KCNAB2: variants seen among roughly 807,000 people sequenced by gnomAD.
KCNAB2 encodes potassium voltage-gated channel subfamily A regulatory beta subunit 2.
Under a neutral mutation model 63.6 loss-of-function variants are expected in KCNAB2, and 29 were observed. The observed-to-expected ratio is 0.46, with a 90% CI of 0.34 to 0.62. The LOEUF (loss-of-function observed/expected upper bound fraction) is 0.62. Among genes scored for constraint, KCNAB2 ranks in the 20% least tolerant of loss-of-function variants. The pLI is 0.01. For synonymous variants in KCNAB2, 222 were observed against 224.2 expected, an observed-to-expected ratio of 0.99 and a Z score of 0.09; for missense variants, 359 against 563.9, an observed-to-expected ratio of 0.64 and a Z score of 3.68.
At chr1:6,082,059 G>A (rs1571060179) in intron 4 of KCNAB2, 136 bp from the exon 5 acceptor site, 1 of 688,900 alleles carries the variant, frequency 1.5e-6, no homozygotes, top group Non-Finnish European at 2.6e-6. Flanking sequence ...CAAGGAGACA[G>A]CCCACAGGGG....
intron 6 of KCNAB2, chr1:6,085,843 A>G: frequency 3.0e-6 from 3 of 987,694 alleles, no homozygotes; most frequent in Non-Finnish European, 3.6e-6. Context: ...CAGTGGCCCC[A>G]AGTCTGTAAA....
At chr1:6,033,065 A>G (rs1247356381), upstream of KCNAB2, among the ~76,000 whole-genome samples, 1 of 152,246 alleles carries the variant, frequency 6.6e-6, no homozygotes, top group Non-Finnish European at 1.5e-5. Flanking sequence ...ATATTGAACT[A>G]AGTATCTTAG....
At chr1:6,058,903 G>A (rs1662073698) in intron 2 of KCNAB2, among the ~76,000 whole-genome samples, 1 of 152,132 alleles carries the variant, frequency 6.6e-6, no homozygotes, top group South Asian at 2.1e-4. Flanking sequence ...GGCTGGGAGG[G>A]CTTCTGCTGG....
chr1:6,082,380 C>T (rs764841996), intron 5 of KCNAB2, 106 bp downstream of exon 5: 3 of 829,206 alleles, frequency 3.6e-6, no homozygotes, highest in Admixed American at 3.8e-5. Flanking sequence ...ACAAATGCAC[C>T]TTGCACCCTG....
At chr1:6,017,733 G>C (rs2100311561) in intron 1 of KCNAB2, among the ~76,000 whole-genome samples, 1 of 152,036 alleles carries the variant, frequency 6.6e-6, no homozygotes, top group African/African-American at 2.4e-5. Flanking sequence ...GGAGGTTGCA[G>C]TGAGCCAAGA....
At chr1:6,013,211 G>C (rs564862948) in intron 1 of KCNAB2, among the ~76,000 whole-genome samples, 1 of 152,114 alleles carries the variant, frequency 6.6e-6, no homozygotes, top group Non-Finnish European at 1.5e-5. Context: ...TTCCTGTTCC[G>C]GGCATGAGGG....
At chr1:6,041,910 G>T (rs144980294), upstream of KCNAB2, 1 of 1,599,572 alleles carries the variant, frequency 6.3e-7, no homozygotes, top group African/African-American at 1.3e-5. Flanking sequence ...CCAGCGAGCC[G>T]AAGGCCAGGG....
chr1:5,997,791 G>T (rs1376331387), intron 1 of KCNAB2, among the ~76,000 whole-genome samples: 2 of 152,214 alleles, frequency 1.3e-5, no homozygotes, highest in Non-Finnish European at 2.9e-5. Context: ...TAACTAGAAT[G>T]CATGGGCAAG....
In KCNAB2 at chr1:6,071,717, G is replaced by A. The variant is rs543335032; in HGVS notation, c.219-1038G>A. 7.4e-4 allele frequency among the ~76,000 whole-genome samples: 113 copies of A among 152,004 alleles called. No individual in the cohort carries two copies. Among genetic ancestry groups the A allele is most frequent in the African/African-American group, 2.6e-3 (108 of 41,468 alleles). On this transcript the variant is annotated intron_variant, in intron 2 of 15. Coordinates refer to ENST00000378083, the MANE Select transcript of KCNAB2 (RefSeq NM_001199862.2). This position sits in a 1 kb window ranked among gnomAD's most constrained non-coding sequence, Gnocchi z 8.5. ...GACTCCTGCCGCCGCATAGGGCTCTGCTGCGTAGGACTCCTGCGGCGAGGG... is the reference window on the plus strand; with the variant it reads ...GACTCCTGCCGCCGCATAGGGCTCTACTGCGTAGGACTCCTGCGGCGAGGG...
intron 4 of KCNAB2, among the ~76,000 whole-genome samples, chr1:6,076,695 TGGGGTAACCGTACTG>T (rs954401318): frequency 4.6e-5 from 7 of 152,262 alleles, no homozygotes; most frequent in East Asian, 1.9e-4. Flanking sequence ...TGCTCAGCTG[TGGGGTAACCGTACTG>T]GGGTAGGGAC....
At chr1:6,041,419 G>A (rs1570933354), upstream of KCNAB2, 1 of 211,600 alleles carries the variant, frequency 4.7e-6, no homozygotes, top group East Asian at 1.4e-4. Context: ...GAGCCAGGCG[G>A]GCAGGTGCGG....
rs1420986285 is a variant in KCNAB2, at chr1:6,028,619, G to A, written c.-52-11898G>A. ...CCGCTCTGGGTGCGGGGGTACATCC[G>A]TGAAGGAAAGAGATGAAGCTCCCTG... is the stretch of plus-strand genomic sequence containing the variant. On this transcript the variant is annotated intron_variant, in intron 1 of 16. Transcript: ENST00000341524. This position sits in a 1 kb window ranked among gnomAD's most constrained non-coding sequence, Gnocchi z 4.0. Among the ~76,000 whole-genome samples the A allele has an allele frequency of 2.0e-5, 3 of 152,206 alleles. No individual in the cohort carries two copies. The highest frequency in any genetic ancestry group is 2.1e-4 in the South Asian group (1 of 4,838).
chr1:6,066,767 G>A (rs577569617), intron 2 of KCNAB2, among the ~76,000 whole-genome samples: 1 of 152,338 alleles, frequency 6.6e-6, no homozygotes, highest in South Asian at 2.1e-4. Context: ...GTGATGGAAT[G>A]AATCTTCCCT....
upstream of KCNAB2, among the ~76,000 whole-genome samples, chr1:6,040,971 C>T (rs1660452117): frequency 6.6e-6 from 1 of 152,260 alleles, no homozygotes; most frequent in Non-Finnish European, 1.5e-5. Flanking sequence ...GCACGGCCAA[C>T]CCCGGCATCC....
chr1:6,090,927 G>A (rs905798878), intron 9 of KCNAB2, among the ~76,000 whole-genome samples: 3 of 152,194 alleles, frequency 2.0e-5, no homozygotes, highest in African/African-American at 4.8e-5. Context: ...AGCGTTCAGC[G>A]CTTTGAAAAT....
intron 1 of KCNAB2, among the ~76,000 whole-genome samples, chr1:5,998,177 G>A (rs1186217523): frequency 6.6e-6 from 1 of 152,264 alleles, no homozygotes; most frequent in Non-Finnish European, 1.5e-5. Context: ...GGCCCAGTGC[G>A]GTCACAGGCT....
intron 1 of KCNAB2, among the ~76,000 whole-genome samples, chr1:6,006,579 C>A (rs866421793): frequency 5.7e-4 from 1 of 1,752 alleles, no homozygotes; most frequent in Non-Finnish European, 1.3e-3. Flanking sequence ...CTCCCACATC[C>A]CCCCACTTCA....
chr1:6,045,843 G>T (rs750081632), upstream of KCNAB2: 314 of 950,280 alleles, frequency 3.3e-4, no homozygotes, highest in Non-Finnish European at 3.8e-4. The surrounding 1 kb of genome is among the most constrained non-coding windows in gnomAD (Gnocchi z 4.8). Flanking sequence ...GGACGGGCAG[G>T]ACCTCCCCCT....
chr1:6,084,578 G>A (rs901588268), intron 5 of KCNAB2, among the ~76,000 whole-genome samples: 1 of 152,214 alleles, frequency 6.6e-6, no homozygotes, highest in Admixed American at 6.5e-5. Context: ...CACTTTGGGA[G>A]GCCACAGTGG....
Sources: allele counts gnomAD v4.1 joint callset (sites outside exome capture counted in the v4.1 genomes callset), GRCh38; gene constraint gnomAD v4.1.1; non-coding constraint Gnocchi (gnomAD v3.1); transcripts MANE v1.5; gene names NCBI Gene and HGNC (gene_info 2026-07-23, HGNC 2026-07-21).